The following RARS2 variants were observed in gnomAD, a reference collection of about 807,000 sequenced individuals.
The protein encoded by RARS2 is arginyl-tRNA synthetase 2, mitochondrial.
RARS2 carries 67 observed loss-of-function variants against 88.5 expected under a neutral mutation model. The ratio of observed to expected loss-of-function variants is 0.76; its 90% CI spans 0.62 to 0.93. The LOEUF (loss-of-function observed/expected upper bound fraction) is 0.93, where lower values mean the gene tolerates loss of function less well. RARS2 is among the 40% of genes least tolerant of loss of function. The pLI, the probability that RARS2 is intolerant of heterozygous loss-of-function variation, is 0.00. For synonymous variants in RARS2, 239 were observed against 230.3 expected (o/e 1.04, Z -0.34); for missense variants, 664 against 684.2 (o/e 0.97, Z 0.33).
chr6:87,572,750 T>C (rs896597071), intron 1 of RARS2, among the ~76,000 whole-genome samples: 3 of 152,170 alleles, frequency 2.0e-5, no homozygotes, highest in Admixed American at 1.3e-4. Context: ...TATCTTACTA[T>C]ATTTCATTTG....
intron 7 of RARS2, among the ~76,000 whole-genome samples, chr6:87,543,083 C>G (rs1464462316): frequency 6.6e-6 from 1 of 152,088 alleles, no homozygotes; most frequent in Non-Finnish European, 1.5e-5. Context: ...GGGTGGATCA[C>G]CTGAGGTCAG....
rs146724468 is a variant in RARS2, at chr6:87,545,439, G to A, written c.535+177C>T. On this transcript the variant is annotated intron_variant, in intron 7 of 19. Transcript: ENST00000369536. ...TCCCCAAAGGTAACTTGTGTGGTGAGAATTACTCAAATAAATAGAAGATTT... is the reference window on the plus strand; with the variant it reads ...TCCCCAAAGGTAACTTGTGTGGTGAAAATTACTCAAATAAATAGAAGATTT... Among the ~76,000 whole-genome samples, 17 of 144,572 alleles carry A rather than the reference G, an allele frequency of 1.2e-4. No individual in the cohort carries two copies. The East Asian group carries it at 3.5e-3, about 29-fold the overall frequency. 94.8% of individuals were successfully genotyped at this position (144,572 alleles called of 152,430 possible).
At chr6:87,532,572 G>A (rs1355169426) in intron 8 of RARS2, among the ~76,000 whole-genome samples, 1 of 152,184 alleles carries the variant, frequency 6.6e-6, no homozygotes, top group Non-Finnish European at 1.5e-5. Context: ...TGTGCACCTT[G>A]TGTGACTCCA....
At chr6:87,561,397 G>T (rs1165856324) in intron 4 of RARS2, among the ~76,000 whole-genome samples, 1 of 152,098 alleles carries the variant, frequency 6.6e-6, no homozygotes, top group Non-Finnish European at 1.5e-5. Context: ...GTAAATTCTG[G>T]TTAACAACTC....
chr6:87,514,347 C>T lies in RARS2; in HGVS notation c.*66G>A. 1 of 1,044,144 alleles carries T rather than the reference C, an allele frequency of 9.6e-7. No homozygotes were observed. The highest frequency in any genetic ancestry group is 1.5e-6 in the Non-Finnish European group (1 of 673,156). 64.7% of individuals were successfully genotyped at this position (1,044,144 alleles called of 1,614,324 possible). On this transcript the variant is annotated 3_prime_UTR_variant, in exon 20 of 20. Transcript: ENST00000369536. ...AAAAAAAATTTAAATTTATTCTGAA[C>T]AGCAAGGCATCTCAGAATAGATAAC...
chr6:87,566,712 G>A lies in RARS2; in HGVS notation c.111-2480C>T, dbSNP rs573265643. The stretch of plus-strand genomic sequence containing the variant: ...ATTTAAAAAATTAGCCAAGTGTGGT[G>A]GCCCATGCTTCTGGTCCCAGCTAAT... On this transcript the variant is annotated intron_variant, in intron 2 of 19. Transcript: ENST00000369536. Among the ~76,000 whole-genome samples, 3 of 151,968 alleles carry A rather than the reference G, an allele frequency of 2.0e-5. No individual in the cohort carries two copies. In the South Asian group the frequency reaches 6.2e-4, roughly 32 times the overall value.
chr6:87,518,961 A>AACATCTG, intron 14 of RARS2, 70 bp from the exon 15 acceptor site: 3 of 1,405,154 alleles, frequency 2.1e-6, no homozygotes, highest in Non-Finnish European at 3.0e-6. Flanking sequence ...AAGTGAAGGT[A>AACATCTG]ACATCTGCCA....
chr6:87,568,536 AT>A (rs1282346914), intron 2 of RARS2, among the ~76,000 whole-genome samples: 1 of 152,170 alleles, frequency 6.6e-6, no homozygotes, highest in Non-Finnish European at 1.5e-5. Flanking sequence ...CATTTCCCTT[AT>A]TATGCAGAAT....
At chr6:87,520,143 A>C in intron 13 of RARS2, 37 bp downstream of exon 13, 1 of 1,543,182 alleles carries the variant, frequency 6.5e-7, no homozygotes, top group Non-Finnish European at 9.0e-7. Context: ...GGCTCAGCTG[A>C]CCCTGCACAG....
chr6:87,526,670 GA>G (rs911374401), intron 10 of RARS2, among the ~76,000 whole-genome samples: 2 of 105,242 alleles, frequency 1.9e-5, no homozygotes, highest in African/African-American at 8.8e-5. Context: ...ATGGTCAACT[GA>G]ATTTTTTTTT....
chr6:87,584,901 G>GA (rs1044215449), intron 1 of RARS2, among the ~76,000 whole-genome samples: 5 of 152,048 alleles, frequency 3.3e-5, no homozygotes, highest in African/African-American at 4.8e-5. Context: ...CAACCCCTTA[G>GA]AAAAAATCAA....
intron 11 of RARS2, 96 bp downstream of exon 11, chr6:87,524,461 T>A: frequency 1.0e-6 from 1 of 960,556 alleles, no homozygotes; most frequent in East Asian, 2.4e-5. Context: ...TGTCATCAGC[T>A]GTGGAATCCG....
intron 4 of RARS2, among the ~76,000 whole-genome samples, chr6:87,558,465 T>G (rs1413094156): frequency 1.3e-5 from 2 of 152,232 alleles, no homozygotes; most frequent in African/African-American, 4.8e-5. Flanking sequence ...AACTGGTTCC[T>G]CTGCCCTGGT....
At chr6:87,564,067 A>C in intron 3 of RARS2, 63 bp downstream of exon 3, 1 of 1,261,304 alleles carries the variant, frequency 7.9e-7, no homozygotes, top group East Asian at 2.3e-5. Flanking sequence ...GATAGCCTGC[A>C]AAGTACTTTT....
chr6:87,550,683 C>A, intron 5 of RARS2, among the ~76,000 whole-genome samples: 1 of 143,702 alleles, frequency 7.0e-6, no homozygotes. Context: ...ATTGTATGTA[C>A]TTATCCCTCA....
chr6:87,516,853 A>G lies in RARS2; in HGVS notation c.1539T>C (p.Ser513=). ...LRFDEVLYKS[S]QDFQPRHIVS... The stretch of plus-strand genomic sequence containing the variant: ...CGATATGCCTGGGTTGAAAGTCCTG[A>G]GATGATTTATAAAGCACCTCGTCGA... Residue 513 remains serine, a synonymous_variant, in exon 18 of 20, where the codon TCT becomes TCC. Coordinates refer to ENST00000369536, the MANE Select transcript of RARS2 (RefSeq NM_020320.5). 2 of 1,613,910 alleles carry G rather than the reference A, an allele frequency of 1.2e-6. No individual in the cohort carries two copies. Among genetic ancestry groups the G allele is most frequent in the Non-Finnish European group, 1.7e-6 (2 of 1,179,896 alleles).
At chr6:87,564,375 G>T (rs1437341020) in intron 2 of RARS2, 143 bp from the exon 3 acceptor site, 1 of 715,676 alleles carries the variant, frequency 1.4e-6, no homozygotes, top group Non-Finnish European at 2.4e-6. Flanking sequence ...TTAAAAGCAA[G>T]GGGGCCGAGA....
chr6:87,542,362 A>T (rs1169333605), intron 7 of RARS2, among the ~76,000 whole-genome samples: 1 of 152,212 alleles, frequency 6.6e-6, no homozygotes, highest in Non-Finnish European at 1.5e-5. Context: ...AAGTGACATC[A>T]TGAAGCTAGA....
intron 10 of RARS2, among the ~76,000 whole-genome samples, chr6:87,528,203 T>C (rs907201214): frequency 7.5e-6 from 1 of 133,946 alleles, no homozygotes; most frequent in African/African-American, 2.8e-5. Flanking sequence ...CAATCCACAA[T>C]AAGATATTTC....
Sources: allele counts gnomAD v4.1 joint callset (sites outside exome capture counted in the v4.1 genomes callset), GRCh38; gene constraint gnomAD v4.1.1; transcripts MANE v1.5; gene names NCBI Gene and HGNC (gene_info 2026-07-23, HGNC 2026-07-21).